SLIT2: variants seen among roughly 807,000 people sequenced by gnomAD.
SLIT2 encodes slit homolog 2 protein.
SLIT2 carries 41 observed loss-of-function variants against 185.7 expected under a neutral mutation model. The ratio of observed to expected loss-of-function variants is 0.22; its 90% CI spans 0.17 to 0.29. SLIT2 has a LOEUF of 0.29. SLIT2 is among the 10% of genes least tolerant of loss of function. SLIT2 has a pLI of 1.00. For missense variants in SLIT2, 1,571 were observed against 1,909.0 expected (o/e 0.82, Z 3.30); for synonymous variants, 693 against 680.2 (o/e 1.02, Z -0.29).
chr4:20,408,175 T>C (rs1235823891), intron 4 of SLIT2, among the ~76,000 whole-genome samples: 1 of 152,130 alleles, frequency 6.6e-6, no homozygotes, highest in Non-Finnish European at 1.5e-5. Flanking sequence ...TATTAAACAG[T>C]TTTTTCATCT....
Position 20,523,838 on chromosome 4 carries a change from A to G in SLIT2, c.1209A>G (p.Leu403=), listed in dbSNP as rs34224151. The part of the protein sequence containing the change: ...QDLHNLNLLS[L]YDNKLQTIAK... ...TCCACAACTTGAACCTTCTCTCCCT[A>G]TATGACAACAAGCTTCAGACCATCG... Residue 403 remains leucine, a synonymous_variant, in exon 13 of 37, where the codon CTA becomes CTG. Transcript: ENST00000504154. 731 of 1,614,002 alleles carry G rather than the reference A, an allele frequency of 4.5e-4. 2 individuals are homozygous for G. The African/African-American group carries it at 5.7e-3, about 13-fold the overall frequency.
chr4:20,540,220 G>A (rs868300931), intron 19 of SLIT2, among the ~76,000 whole-genome samples: 4 of 151,802 alleles, frequency 2.6e-5, no homozygotes, highest in South Asian at 2.1e-4. Context: ...CTGGGGAGGC[G>A]GAGGTGGCAG....
At chr4:20,579,735 A>G (rs1726377848) in intron 29 of SLIT2, among the ~76,000 whole-genome samples, 1 of 151,922 alleles carries the variant, frequency 6.6e-6, no homozygotes, top group Non-Finnish European at 1.5e-5. Flanking sequence ...CTAATTATAT[A>G]ATCAGTAAAT....
intron 3 of SLIT2, among the ~76,000 whole-genome samples, chr4:20,265,786 A>G (rs934763362): frequency 6.1e-4 from 93 of 151,954 alleles, no homozygotes; most frequent in African/African-American, 2.1e-3. Context: ...ATAGATATTT[A>G]AGAAATGGAT....
chr4:20,580,410 C>CGTGTGTGT (rs58904041), intron 29 of SLIT2, among the ~76,000 whole-genome samples: 14 of 148,762 alleles, frequency 9.4e-5, no homozygotes, highest in African/African-American at 3.5e-4. Flanking sequence ...ATATATTATA[C>CGTGTGTGT]GTGTGTGTGT....
rs367955012 is a variant in SLIT2 at position 20,567,607 on chromosome 4, T to A, written c.2940T>A (p.Asp980Glu). Residue 980 changes from aspartate (D) to glutamate (E), a missense_variant, in exon 28 of 37, where the codon GAT becomes GAA. Asp to Glu is a conservative substitution (Grantham distance 45, BLOSUM62 2). Coordinates refer to ENST00000504154, the MANE Select transcript of SLIT2 (RefSeq NM_004787.4). ...GTCHLKEGEE[D>E]GFWCICADGF... The stretch of plus-strand genomic sequence containing the variant: ...GCCACTTAAAGGAAGGAGAAGAAGA[T>A]GGATTCTGGTAGGTCATTAGTCTAT... 1.2e-5 allele frequency: 20 copies of A among 1,611,070 alleles called. No individual in the cohort carries two copies. The highest frequency in any genetic ancestry group is 1.7e-5 in the Non-Finnish European group (20 of 1,177,420).
At chr4:20,480,954 C>T (rs1165962895) in intron 6 of SLIT2, among the ~76,000 whole-genome samples, 167 bp downstream of exon 6, 1 of 152,012 alleles carries the variant, frequency 6.6e-6, no homozygotes, top group African/African-American at 2.4e-5. Context: ...TGTGTGTGTG[C>T]AAAACCTTGC....
chr4:20,397,623 G>A (rs550633445), intron 4 of SLIT2, among the ~76,000 whole-genome samples: 82 of 151,790 alleles, frequency 5.4e-4, no homozygotes, highest in African/African-American at 1.9e-3. Context: ...CATTTCAGGT[G>A]TATATACCTG....
chr4:20,386,592 A>G (rs2109354806), intron 4 of SLIT2, among the ~76,000 whole-genome samples: 1 of 152,348 alleles, frequency 6.6e-6, no homozygotes, highest in African/African-American at 2.4e-5. Flanking sequence ...ATTTTTCAGA[A>G]CATACTGAAA....
At chr4:20,381,553 T>C (rs984663464) in intron 4 of SLIT2, among the ~76,000 whole-genome samples, 6 of 152,180 alleles carry the variant, frequency 3.9e-5, no homozygotes, top group African/African-American at 1.4e-4. Flanking sequence ...TTTAGAAATA[T>C]GTTACTTACT....
At chr4:20,288,641 G>A (rs1715511551) in intron 4 of SLIT2, among the ~76,000 whole-genome samples, 1 of 152,162 alleles carries the variant, frequency 6.6e-6, no homozygotes, top group Non-Finnish European at 1.5e-5. Context: ...AACGGCTATG[G>A]TTAATGGATT....
chr4:20,505,494 T>C (rs1365739922), intron 9 of SLIT2, among the ~76,000 whole-genome samples: 1 of 152,096 alleles, frequency 6.6e-6, no homozygotes, highest in Non-Finnish European at 1.5e-5. Context: ...GTCTACGAAT[T>C]GAACGCTAGA....
At chr4:20,518,561 A>ATATATATATATATATATT (rs1720483590) in intron 11 of SLIT2, among the ~76,000 whole-genome samples, 1 of 8,808 alleles carries the variant, frequency 1.1e-4, no homozygotes, top group Non-Finnish European at 2.3e-4. Context: ...CTATATGTAT[A>ATATATATATATATATATT]TATATATATA....
Position 20,472,581 on chromosome 4 carries a change from T to TAG in SLIT2, c.467+4759_467+4760insGA, listed in dbSNP as rs1491427519. 2.6e-3 allele frequency among the ~76,000 whole-genome samples: 17 copies of TAG among 6,582 alleles called. 4 individuals are homozygous for TAG. The highest frequency in any genetic ancestry group is 0.05 in the East Asian group (2 of 40). The allele number at this position is 6,582 out of a possible 152,430, so 4.3% of individuals were successfully genotyped here. A position where few individuals can be genotyped will look rare whatever the true frequency, so the allele number is the denominator to read the frequency against. On this transcript the variant is annotated intron_variant, in intron 5 of 36. Coordinates refer to ENST00000504154, the MANE Select transcript of SLIT2 (RefSeq NM_004787.4). Reference sequence around the variant, plus strand: ...ATATATATCTATATATAGATATATCTATATATAGATATATATCTATAGATA... The same window carrying TAG: ...ATATATATCTATATATAGATATATCTAGATATATAGATATATATCTATAGATA...
chr4:20,534,141 C>T (rs1722059267), intron 18 of SLIT2, among the ~76,000 whole-genome samples: 1 of 152,156 alleles, frequency 6.6e-6, no homozygotes, highest in Non-Finnish European at 1.5e-5. Context: ...TCTTTGTCTT[C>T]AAACACCTCT....
chr4:20,396,131 ATTGTTCTACC>A (rs1373515719), intron 4 of SLIT2, among the ~76,000 whole-genome samples: 1 of 151,886 alleles, frequency 6.6e-6, no homozygotes, highest in Non-Finnish European at 1.5e-5. Context: ...GGATAATGGC[ATTGTTCTACC>A]TTTATATCTC....
chr4:20,518,839 C>T (rs1257851248), intron 11 of SLIT2, among the ~76,000 whole-genome samples: 1 of 149,898 alleles, frequency 6.7e-6, no homozygotes, highest in Non-Finnish European at 1.5e-5. Context: ...ATCTCCTGAC[C>T]TCGTGATCCG....
intron 4 of SLIT2, among the ~76,000 whole-genome samples, chr4:20,436,180 A>G (rs1303677681): frequency 6.6e-6 from 1 of 152,240 alleles, no homozygotes; most frequent in Non-Finnish European, 1.5e-5. Flanking sequence ...TATTTTCCAG[A>G]GTAAAGGATT....
At chr4:20,585,819 A>AT (rs979727173) in intron 29 of SLIT2, among the ~76,000 whole-genome samples, 3 of 152,238 alleles carry the variant, frequency 2.0e-5, no homozygotes, top group Admixed American at 6.5e-5. Flanking sequence ...CAATTCCCCT[A>AT]TTTTTTATTA....
Sources: allele counts gnomAD v4.1 joint callset (sites outside exome capture counted in the v4.1 genomes callset), GRCh38; gene constraint gnomAD v4.1.1; transcripts MANE v1.5; gene names NCBI Gene and HGNC (gene_info 2026-07-23, HGNC 2026-07-21).